FRAS1: variants seen among roughly 807,000 people sequenced by gnomAD.
FRAS1 encodes the protein Fraser extracellular matrix complex subunit 1, also known as extracellular matrix organizing protein FRAS1.
A neutral mutation model predicts 435.2 loss-of-function variants in FRAS1; 290 were observed. That is an observed-to-expected ratio of 0.67 (90% CI 0.61 to 0.73). The LOEUF is 0.73. FRAS1 is among the 30% of genes least tolerant of loss of function. The pLI is 0.00. For missense variants in FRAS1, 4,860 were observed against 5,001.5 expected, an observed-to-expected ratio of 0.97 and a Z score of 0.85; for synonymous variants, 1,800 against 1,851.0, an observed-to-expected ratio of 0.97 and a Z score of 0.71.
intron 31 of FRAS1, among the ~76,000 whole-genome samples, chr4:78,410,390 A>G (rs981190450): frequency 4.6e-5 from 7 of 151,502 alleles, no homozygotes; most frequent in Non-Finnish European, 8.8e-5. Flanking sequence ...AATTGGCCAT[A>G]TATGGAAAAA....
chr4:78,089,873 A>T (rs1210670677), intron 2 of FRAS1, among the ~76,000 whole-genome samples: 2 of 74,782 alleles, frequency 2.7e-5, no homozygotes, highest in East Asian at 7.1e-4. Context: ...TAAACCTAGT[A>T]CCCAATAGTT....
chr4:78,294,614 T>A (rs538560787), intron 14 of FRAS1, among the ~76,000 whole-genome samples: 1 of 152,244 alleles, frequency 6.6e-6, no homozygotes, highest in African/African-American at 2.4e-5. Context: ...AAAGCCTTCA[T>A]TGGCTGGGAA....
chr4:78,287,602 T>TA (rs1727671799), intron 14 of FRAS1, among the ~76,000 whole-genome samples: 1 of 152,148 alleles, frequency 6.6e-6, no homozygotes, highest in Admixed American at 6.6e-5. Context: ...GGGCAGCTGA[T>TA]ATGCTCCTTT....
chr4:78,471,570 A>G (rs1371712733), intron 51 of FRAS1, among the ~76,000 whole-genome samples: 3 of 152,264 alleles, frequency 2.0e-5, no homozygotes, highest in East Asian at 3.9e-4. Flanking sequence ...CCAGAGACCA[A>G]TTATCTGTCT....
chr4:78,216,418 A>G (rs1229384913), intron 2 of FRAS1, among the ~76,000 whole-genome samples: 1 of 152,256 alleles, frequency 6.6e-6, no homozygotes, highest in African/African-American at 2.4e-5. Context: ...TATATTCACT[A>G]TAAATGATTA....
intron 31 of FRAS1, among the ~76,000 whole-genome samples, chr4:78,411,738 GT>G (rs1324085864): frequency 6.6e-6 from 1 of 152,090 alleles, no homozygotes; most frequent in African/African-American, 2.4e-5. Flanking sequence ...CCTATTCAAT[GT>G]TTGGTTCTTT....
At chr4:78,419,893 T>TCTCA (rs745520188) in intron 33 of FRAS1, among the ~76,000 whole-genome samples, 13 of 151,908 alleles carry the variant, frequency 8.6e-5, no homozygotes, top group Non-Finnish European at 1.3e-4. Flanking sequence ...TTGTTTAAAA[T>TCTCA]CTCACTCACT....
At chr4:78,276,134 C>G (rs1215674172) in intron 9 of FRAS1, among the ~76,000 whole-genome samples, 1 of 152,218 alleles carries the variant, frequency 6.6e-6, no homozygotes, top group South Asian at 2.1e-4. Context: ...GCATTCATCA[C>G]GTAGTTCTCA....
intron 18 of FRAS1, among the ~76,000 whole-genome samples, chr4:78,326,278 G>A (rs1162740368): frequency 1.3e-5 from 2 of 152,186 alleles, no homozygotes; most frequent in African/African-American, 4.8e-5. Context: ...GGGAAGGTGG[G>A]ATAGATTTAA....
At chr4:78,072,341 C>A (rs2109861081) in intron 2 of FRAS1, among the ~76,000 whole-genome samples, 1 of 152,300 alleles carries the variant, frequency 6.6e-6, no homozygotes. Flanking sequence ...AAACAGTTAA[C>A]ACACAAGAGA....
chr4:78,190,652 T>TTCCCA (rs1722495272), intron 2 of FRAS1, among the ~76,000 whole-genome samples: 1 of 137,782 alleles, frequency 7.3e-6, no homozygotes, highest in African/African-American at 2.7e-5. Flanking sequence ...TTCCCTTCCC[T>TTCCCA]TCCCAGTTTC....
intron 23 of FRAS1, 48 bp downstream of exon 23, chr4:78,370,032 C>T: frequency 6.4e-7 from 1 of 1,555,066 alleles, no homozygotes; most frequent in South Asian, 1.2e-5. Context: ...ACAGTGATAC[C>T]ACTTTACTAC....
At chr4:78,427,485 C>A (rs1177180679) in intron 35 of FRAS1, among the ~76,000 whole-genome samples, 1 of 152,288 alleles carries the variant, frequency 6.6e-6, no homozygotes, top group East Asian at 1.9e-4. Context: ...AATAAAATTG[C>A]ATTTTGCAAC....
chr4:78,394,759 A>G (rs1732589171), intron 29 of FRAS1, among the ~76,000 whole-genome samples: 1 of 152,010 alleles, frequency 6.6e-6, no homozygotes, highest in African/African-American at 2.4e-5. Context: ...TGGAATTTTG[A>G]CAGAGATGGC....
chr4:78,372,674 G>C (rs777763479), intron 23 of FRAS1, 44 bp from the exon 24 acceptor site: 5 of 1,608,066 alleles, frequency 3.1e-6, no homozygotes, highest in Non-Finnish European at 4.2e-6. Context: ...TGGGTCTGAG[G>C]GTGGACAGAA....
At chr4:78,181,985 A>G (rs1353322744) in intron 2 of FRAS1, 2 of 1,579,524 alleles carry the variant, frequency 1.3e-6, no homozygotes, top group African/African-American at 2.7e-5. Flanking sequence ...TTCGTCGTCA[A>G]ATAACTGGTC....
In FRAS1 at chr4:78,312,099, T is replaced by G. The variant is rs560474902; in HGVS notation, c.1679-3495T>G. On this transcript the variant is annotated intron_variant, in intron 15 of 73. Transcript: ENST00000512123. ...TTTGAATTTTTAATAAGACCTTTGC[T>G]AAGGTTCAAAAATAAATTAATCTCT... Among the ~76,000 whole-genome samples the G allele has an allele frequency of 6.8e-4, 103 of 151,308 alleles. 1 individual carries two copies. The highest frequency in any genetic ancestry group is 3.8e-4 in the Non-Finnish European group (26 of 67,840).
intron 20 of FRAS1, among the ~76,000 whole-genome samples, chr4:78,358,800 C>A (rs1730964071): frequency 6.6e-6 from 1 of 152,072 alleles, no homozygotes; most frequent in Non-Finnish European, 1.5e-5. Flanking sequence ...AGAAAAATGG[C>A]AGTTTTTTTG....
chr4:78,176,486 A>G (rs1378947209), intron 2 of FRAS1, among the ~76,000 whole-genome samples: 1 of 152,230 alleles, frequency 6.6e-6, no homozygotes, highest in East Asian at 1.9e-4. Flanking sequence ...TTTTTCCCTG[A>G]AGAGCTACAT....
Sources: gnomAD v4.1 joint callset for allele counts (sites outside exome capture counted in the v4.1 genomes callset) on GRCh38, gnomAD v4.1.1 for gene constraint, MANE v1.5 for transcripts, NCBI Gene and HGNC (gene_info 2026-07-23, HGNC 2026-07-21) for gene names.